The following LTN1 variants were observed in gnomAD, a reference collection of about 807,000 sequenced individuals.
The protein encoded by LTN1 is listerin E3 ubiquitin protein ligase 1, also known as E3 ubiquitin-protein ligase listerin.
Under a neutral mutation model 201.2 loss-of-function variants are expected in LTN1, and 88 were observed. The ratio of observed to expected loss-of-function variants is 0.44; its 90% CI spans 0.37 to 0.52. The LOEUF (loss-of-function observed/expected upper bound fraction) is 0.52. Ranked by LOEUF, LTN1 falls within the 20% of genes least tolerant of loss-of-function variation. The pLI, the probability that LTN1 is intolerant of heterozygous loss-of-function variation, is 0.00. For synonymous variants in LTN1, 645 were observed against 713.5 expected (o/e 0.90, Z 1.53); for missense variants, 1,752 against 2,038.7 (o/e 0.86, Z 2.71).
At chr21:28,935,839 C>CAA (rs1190416524) in intron 26 of LTN1, among the ~76,000 whole-genome samples, 3,843 of 78,744 alleles carry the variant, frequency 0.049, 111 homozygotes, top group Middle Eastern at 0.13. Flanking sequence ...GACTCCGTCT[C>CAA]AAAAAAAAAA....
intron 18 of LTN1, among the ~76,000 whole-genome samples, chr21:28,948,854 A>G (rs2084361759): frequency 6.6e-6 from 1 of 152,208 alleles, no homozygotes; most frequent in Admixed American, 6.5e-5. Flanking sequence ...TATCCTTAAG[A>G]AGATACTATT....
intron 8 of LTN1, among the ~76,000 whole-genome samples, chr21:28,969,874 G>A (rs2084559232): frequency 6.6e-6 from 1 of 151,146 alleles, no homozygotes. Context: ...TTTAGAAATA[G>A]GGTCTTACTA....
chr21:28,936,168 A>G (rs1037202398), intron 26 of LTN1, among the ~76,000 whole-genome samples: 4 of 152,202 alleles, frequency 2.6e-5, no homozygotes, highest in African/African-American at 9.6e-5. Flanking sequence ...AACCAGATAC[A>G]TGCATATCTG....
intron 28 of LTN1, 149 bp from the exon 29 acceptor site, chr21:28,931,471 G>T (rs1055303261): frequency 1.1e-5 from 6 of 553,290 alleles, no homozygotes; most frequent in Middle Eastern, 4.8e-4. Flanking sequence ...ATGAATGTTG[G>T]TTTTTAAAAT....
chr21:28,966,609 G>A lies in LTN1; in HGVS notation c.1882C>T (p.Arg628Ter). The change falls in exon 10 of 30, where the codon CGA becomes TGA. Residue 628 changes from arginine (R) to a stop codon, truncating the protein, a stop_gained. Transcript: ENST00000361371. LOFTEE classifies it high-confidence loss of function. ...STLLDSFSSSRVFKMLLGDEK... is the reference protein window; with the variant it reads ...STLLDSFSSS ...TCACCAAGTAGCATTTTAAATACTC[G>A]GCTTGAAGAAAAGGAGTCAAGCAGA... The A allele has an allele frequency of 1.2e-6, 2 of 1,613,838 alleles. No individual in the cohort carries two copies. Among genetic ancestry groups the A allele is most frequent in the Non-Finnish European group, 1.7e-6 (2 of 1,179,910 alleles).
rs770820079 is a variant in LTN1, at chr21:28,935,309, G to T, written c.4675C>A (p.His1559Asn). ...ACTGAACAAGCCAAGTGTGGAATGT[G>T]GTATGGAAGCATTGTTGTTTCTGAG... ...SIRETTMLPY[H>N]IPHLACSVYH... Residue 1559 changes from histidine (H) to asparagine (N), a missense_variant, in exon 27 of 30, where the codon CAC (histidine) becomes AAC (asparagine). Physicochemically the swap from His to Asn is moderately conservative, Grantham distance 68 (BLOSUM62 1). Around this residue, in one of 3 missense-constraint regions of LTN1, gnomAD observed 261 missense variants for 350.1 expected, o/e 0.75. Transcript: ENST00000361371. The T allele has an allele frequency of 6.2e-7, 1 of 1,613,022 alleles. No individual in the cohort carries two copies. Among genetic ancestry groups the T allele is most frequent in the Non-Finnish European group, 8.5e-7 (1 of 1,179,230 alleles).
At chr21:28,949,933 T>A (rs187381939) in intron 18 of LTN1, among the ~76,000 whole-genome samples, 2 of 152,312 alleles carry the variant, frequency 1.3e-5, no homozygotes, top group East Asian at 3.9e-4. Flanking sequence ...CATTTATGTG[T>A]GGATAGGTTT....
chr21:28,944,941 G>T (rs1259581666), intron 21 of LTN1, among the ~76,000 whole-genome samples: 1 of 152,084 alleles, frequency 6.6e-6, no homozygotes, highest in Non-Finnish European at 1.5e-5. Context: ...AAGAAAATCG[G>T]CCAGGCACAG....
intron 21 of LTN1, among the ~76,000 whole-genome samples, chr21:28,944,971 C>T (rs1227164042): frequency 1.3e-5 from 2 of 152,144 alleles, no homozygotes; most frequent in East Asian, 1.9e-4. Context: ...CCTGTAATCC[C>T]AACACTTTGG....
intron 25 of LTN1, among the ~76,000 whole-genome samples, chr21:28,939,129 T>G (rs978783285): frequency 6.6e-6 from 1 of 152,142 alleles, no homozygotes; most frequent in Non-Finnish European, 1.5e-5. Context: ...ACTAAAAACT[T>G]TAATACAGTA....
intron 5 of LTN1, among the ~76,000 whole-genome samples, chr21:28,981,661 AG>A (rs1301503687): frequency 6.6e-6 from 1 of 152,234 alleles, no homozygotes; most frequent in Non-Finnish European, 1.5e-5. Flanking sequence ...TAAACAAAAT[AG>A]TTTACTACTC....
intron 9 of LTN1, among the ~76,000 whole-genome samples, chr21:28,969,014 A>G (rs2084550310): frequency 6.6e-6 from 1 of 151,654 alleles, no homozygotes; most frequent in East Asian, 2.0e-4. Flanking sequence ...TGAGGTCAGC[A>G]GTTCTCGACC....
intron 9 of LTN1, 75 bp from the exon 10 acceptor site, chr21:28,967,254 A>C: frequency 2.0e-6 from 2 of 1,020,232 alleles, no homozygotes; most frequent in Non-Finnish European, 2.9e-6. Flanking sequence ...CAACTCTAAA[A>C]TCCTTGGAAT....
intron 18 of LTN1, among the ~76,000 whole-genome samples, chr21:28,948,906 G>A (rs2084362189): frequency 6.6e-6 from 1 of 152,162 alleles, no homozygotes. Flanking sequence ...ATTCCTAGAA[G>A]TGGAATTGAA....
rs748122581 is a variant in LTN1 at position 28,992,791 on chromosome 21, G to A, written c.15C>T (p.Asn5=). Residue 5 remains asparagine, a synonymous_variant, in exon 1 of 30, where the codon AAC becomes AAT. Coordinates refer to ENST00000361371, the MANE Select transcript of LTN1 (RefSeq NM_015565.3). ...TCAGGTTCCCTTTAGTTCGCTGCTT[G>A]TTCTTCCCGCCCATGGTCGCGGTTG... MGGK[N]KQRTKGNLRP... is the part of the protein sequence containing the mutation. 5.6e-6 allele frequency: 9 copies of A among 1,614,208 alleles called. No individual in the cohort carries two copies. Among genetic ancestry groups the A allele is most frequent in the Non-Finnish European group, 7.6e-6 (9 of 1,180,032 alleles).
intron 6 of LTN1, among the ~76,000 whole-genome samples, chr21:28,973,181 T>C (rs2776247): frequency 1 from 151,881 of 151,896 alleles, 75,933 homozygotes; most frequent in Middle Eastern, 1. Flanking sequence ...AACCCCATCT[T>C]TACTAAAAAT....
intron 20 of LTN1, 32 bp from the exon 21 acceptor site, chr21:28,945,983 A>G (rs762142013): frequency 6.4e-7 from 1 of 1,569,038 alleles, no homozygotes; most frequent in Admixed American, 1.9e-5. Context: ...AAGACAATAA[A>G]AGATTATATT....
At chr21:28,953,939 T>C (rs2084404293) in intron 16 of LTN1, among the ~76,000 whole-genome samples, 1 of 152,212 alleles carries the variant, frequency 6.6e-6, no homozygotes, top group Non-Finnish European at 1.5e-5. Context: ...TGGTATATCA[T>C]AGGTTTCTAA....
intron 18 of LTN1, among the ~76,000 whole-genome samples, chr21:28,951,878 G>C (rs1159024334): frequency 6.6e-6 from 1 of 152,088 alleles, no homozygotes; most frequent in Non-Finnish European, 1.5e-5. Flanking sequence ...GGTGTGGTGG[G>C]AGGATCACTT....
Sources: gnomAD v4.1 joint callset for allele counts (sites outside exome capture counted in the v4.1 genomes callset) on GRCh38, gnomAD v4.1.1 for gene constraint, gnomAD v4.1.1 regional missense constraint, MANE v1.5 for transcripts, NCBI Gene and HGNC (gene_info 2026-07-23, HGNC 2026-07-21) for gene names.